The following BLOC1S5 variants were observed in gnomAD, a reference collection of about 807,000 sequenced individuals.
BLOC1S5 encodes the protein biogenesis of lysosome-related organelles complex 1 subunit 5.
In BLOC1S5, 27 loss-of-function variants were observed where a neutral mutation model predicts 24.3. The ratio of observed to expected loss-of-function variants is 1.11; its 90% CI spans 0.82 to 1.53. The LOEUF (loss-of-function observed/expected upper bound fraction) is 1.53. BLOC1S5 is among the 40% of genes most tolerant of loss of function. BLOC1S5 has a pLI of 0.00. For missense variants in BLOC1S5, 239 were observed against 229.4 expected, an observed-to-expected ratio of 1.04 and a Z score of -0.27; for synonymous variants, 84 against 74.5, an observed-to-expected ratio of 1.13 and a Z score of -0.66.
At chr6:8,061,659 GC>G (rs1288894256) in intron 2 of BLOC1S5, among the ~76,000 whole-genome samples, 1 of 152,154 alleles carries the variant, frequency 6.6e-6, no homozygotes, top group Non-Finnish European at 1.5e-5. Flanking sequence ...TGGCATGTTT[GC>G]ACATCCTGAC....
rs2113497629 is a variant in BLOC1S5, at chr6:8,013,735, A to G, written c.*1914T>C. Reference sequence around the variant, plus strand: ...GTGTTGGCAATTAATCGCATTCCAAAAAGTGTCTACGGTACAAAGGGAATT... The same window carrying G: ...GTGTTGGCAATTAATCGCATTCCAAGAAGTGTCTACGGTACAAAGGGAATT... On this transcript the variant is annotated 3_prime_UTR_variant, in exon 5 of 5. Coordinates refer to ENST00000397457, the MANE Select transcript of BLOC1S5 (RefSeq NM_201280.3). 1 of 152,334 alleles carries G rather than the reference A, an allele frequency of 6.6e-6. No homozygotes were observed. Among genetic ancestry groups the G allele is most frequent in the South Asian group, 2.1e-4 (1 of 4,828 alleles). 9.4% of individuals were successfully genotyped at this position (152,334 alleles called of 1,614,324 possible).
Position 8,047,747 on chromosome 6 carries a change from G to A in BLOC1S5, c.196-6479C>T, listed in dbSNP as rs148092691. ...CTGTTCTCTTTCCTGTAAATTAGTC[G>A]TTAGAACTAAAGCCCTGATCAAATT... On this transcript the variant is annotated intron_variant, in intron 2 of 4. Coordinates refer to ENST00000397457, the MANE Select transcript of BLOC1S5 (RefSeq NM_201280.3). 3.5e-3 allele frequency among the ~76,000 whole-genome samples: 540 copies of A among 152,164 alleles called. 3 individuals are homozygous for A. The highest frequency in any genetic ancestry group is 0.012 in the African/African-American group (518 of 41,510).
At chr6:8,052,406 C>A (rs1459474103) in intron 2 of BLOC1S5, among the ~76,000 whole-genome samples, 1 of 152,178 alleles carries the variant, frequency 6.6e-6, no homozygotes, top group Non-Finnish European at 1.5e-5. Flanking sequence ...TGAAGACCTT[C>A]TGGAAAGGAT....
chr6:8,015,362 T>A lies in BLOC1S5; in HGVS notation c.*287A>T, dbSNP rs1387498726. 1 of 314,504 alleles carries A rather than the reference T, an allele frequency of 3.2e-6. No homozygotes were observed. The highest frequency in any genetic ancestry group is 4.5e-5 in the Admixed American group (1 of 22,086). The allele number at this position is 314,504 out of a possible 1,614,324, so 19.5% of individuals were successfully genotyped here. ...ACCTACAGTTCTCTGAGCTAATCAA[T>A]GGAAAAGATGATCAATTCTGACTAA... is the stretch of plus-strand genomic sequence containing the variant. On this transcript the variant is annotated 3_prime_UTR_variant, in exon 5 of 5. Transcript: ENST00000397457.
chr6:8,026,577 G>A, intron 3 of BLOC1S5, 152 bp from the exon 4 acceptor site: 1 of 616,608 alleles, frequency 1.6e-6, no homozygotes, highest in Non-Finnish European at 2.8e-6. Flanking sequence ...TGGTGGGATG[G>A]CCAGAAGGGG....
chr6:8,032,721 GA>G (rs1165766374), intron 3 of BLOC1S5, among the ~76,000 whole-genome samples: 3 of 152,150 alleles, frequency 2.0e-5, no homozygotes, highest in African/African-American at 7.2e-5. Context: ...TGTATATTTA[GA>G]AAACCCCATC....
At chr6:8,047,160 T>TCACACACA (rs57923927) in intron 2 of BLOC1S5, among the ~76,000 whole-genome samples, 134 of 126,934 alleles carry the variant, frequency 1.1e-3, no homozygotes, top group African/African-American at 3.8e-3. Flanking sequence ...TCTCTCTCTC[T>TCACACACA]CACACACACA....
intron 3 of BLOC1S5, among the ~76,000 whole-genome samples, chr6:8,037,030 C>T (rs1005698517): frequency 6.6e-6 from 1 of 152,178 alleles, no homozygotes; most frequent in Non-Finnish European, 1.5e-5. Flanking sequence ...TAACATCATA[C>T]TGAATGAGGA....
intron 3 of BLOC1S5, among the ~76,000 whole-genome samples, chr6:8,037,644 G>A (rs1369736330): frequency 6.6e-6 from 1 of 152,012 alleles, no homozygotes; most frequent in Admixed American, 6.6e-5. Flanking sequence ...ACAGAATCAC[G>A]AAAGACCCTG....
chr6:8,039,233 A>C (rs1370154595), intron 3 of BLOC1S5, among the ~76,000 whole-genome samples: 2 of 152,232 alleles, frequency 1.3e-5, no homozygotes, highest in Non-Finnish European at 2.9e-5. Context: ...TGAGAGCTAA[A>C]GAAATGGATC....
intron 2 of BLOC1S5, among the ~76,000 whole-genome samples, chr6:8,058,227 G>A (rs1165178325): frequency 6.6e-6 from 1 of 151,802 alleles, no homozygotes; most frequent in African/African-American, 2.4e-5. Context: ...AGGTCCAAAA[G>A]CCACCTTGTA....
At chr6:8,052,135 T>G (rs945880310) in intron 2 of BLOC1S5, among the ~76,000 whole-genome samples, 2 of 151,590 alleles carry the variant, frequency 1.3e-5, no homozygotes, top group Admixed American at 1.3e-4. Flanking sequence ...CCCGGCTAAT[T>G]TTTTTGTATT....
intron 2 of BLOC1S5, among the ~76,000 whole-genome samples, chr6:8,057,068 A>AAAT: frequency 4.6e-5 from 7 of 152,058 alleles, no homozygotes; most frequent in Non-Finnish European, 1.0e-4. Flanking sequence ...AAAAATACAA[A>AAAT]ATTAGCTGGA....
chr6:8,027,161 T>A (rs1387462608), intron 3 of BLOC1S5: 1 of 321,412 alleles, frequency 3.1e-6, no homozygotes, highest in African/African-American at 2.2e-5. Flanking sequence ...TATTTAAACC[T>A]TTTCACCGCC....
At chr6:8,048,574 C>T (rs775034884) in intron 2 of BLOC1S5, among the ~76,000 whole-genome samples, 6 of 151,830 alleles carry the variant, frequency 4.0e-5, no homozygotes, top group Non-Finnish European at 5.9e-5. Context: ...TTTGTTTTAT[C>T]GCTGATTCAG....
intron 2 of BLOC1S5, among the ~76,000 whole-genome samples, chr6:8,053,278 G>A (rs909008232): frequency 3.9e-5 from 6 of 152,156 alleles, no homozygotes; most frequent in Non-Finnish European, 7.4e-5. Context: ...TGGGTAAAAC[G>A]CTACCAAGCA....
chr6:8,029,763 C>T (rs79538877), intron 3 of BLOC1S5, among the ~76,000 whole-genome samples: 5,957 of 152,218 alleles, frequency 0.039, 370 homozygotes, highest in African/African-American at 0.13. Flanking sequence ...GCATTCTGAT[C>T]GTTTACTAGA....
intron 4 of BLOC1S5, among the ~76,000 whole-genome samples, chr6:8,023,767 A>G (rs985280450): frequency 6.6e-6 from 1 of 152,182 alleles, no homozygotes; most frequent in Non-Finnish European, 1.5e-5. Context: ...CTTTGTTTAC[A>G]TTGGCTAGAT....
intron 3 of BLOC1S5, among the ~76,000 whole-genome samples, chr6:8,040,463 G>A (rs1411946240): frequency 3.9e-5 from 6 of 152,058 alleles, no homozygotes; most frequent in Non-Finnish European, 8.8e-5. Flanking sequence ...TTTTTTAAAA[G>A]TAAAAAAACT....
Sources: gnomAD v4.1 joint callset for allele counts (sites outside exome capture counted in the v4.1 genomes callset) on GRCh38, gnomAD v4.1.1 for gene constraint, MANE v1.5 for transcripts, NCBI Gene and HGNC (gene_info 2026-07-23, HGNC 2026-07-21) for gene names.